Variants in HS3ST5 observed in about 807,000 individuals in gnomAD.
The protein encoded by HS3ST5 is heparan sulfate glucosamine 3-O-sulfotransferase 5.
In HS3ST5, 10 loss-of-function variants were observed where a neutral mutation model predicts 25.4. The observed-to-expected ratio is 0.39, with a 90% CI of 0.24 to 0.67. The LOEUF is 0.67. Ranked by LOEUF, HS3ST5 falls within the 30% of genes least tolerant of loss-of-function variation. The pLI is 0.44. For missense variants in HS3ST5, 324 were observed against 420.7 expected (o/e 0.77, Z 2.01); for synonymous variants, 170 against 162.4 (o/e 1.05, Z -0.36).
intron 3 of HS3ST5, among the ~76,000 whole-genome samples, chr6:114,149,448 G>A (rs62415761): frequency 0.071 from 10,843 of 152,172 alleles, 439 homozygotes; most frequent in African/African-American, 0.09. Context: ...GGATGAAGCT[G>A]GAAGCCATCA....
intron 3 of HS3ST5, chr6:114,167,539 A>G (rs1779275548): frequency 6.6e-6 from 1 of 152,186 alleles, no homozygotes; most frequent in Non-Finnish European, 1.5e-5. Context: ...CCTTGCCAAG[A>G]TCACCCAGCT....
intron 3 of HS3ST5, among the ~76,000 whole-genome samples, chr6:114,085,458 A>G (rs1030924556): frequency 6.6e-6 from 1 of 152,210 alleles, no homozygotes; most frequent in Non-Finnish European, 1.5e-5. Flanking sequence ...ACACTATGCC[A>G]AAATCAATTT....
chr6:114,129,191 T>G (rs997449649), intron 3 of HS3ST5, among the ~76,000 whole-genome samples: 17 of 151,680 alleles, frequency 1.1e-4, no homozygotes, highest in African/African-American at 4.1e-4. Flanking sequence ...TGGCCAGGCA[T>G]CTTCCTTCCC....
At chr6:114,123,304 C>T (rs1231018702) in intron 3 of HS3ST5, among the ~76,000 whole-genome samples, 1 of 152,130 alleles carries the variant, frequency 6.6e-6, no homozygotes, top group Non-Finnish European at 1.5e-5. Context: ...TTGGAAGAGA[C>T]CTCAAATATC....
At chr6:114,259,403 C>T (rs909024656) in intron 1 of HS3ST5, among the ~76,000 whole-genome samples, 8 of 152,152 alleles carry the variant, frequency 5.3e-5, no homozygotes, top group Non-Finnish European at 1.2e-4. Context: ...TATAAATATA[C>T]ATCATGTTTC....
chr6:114,152,789 T>G (rs992898852), intron 3 of HS3ST5, among the ~76,000 whole-genome samples: 1 of 152,172 alleles, frequency 6.6e-6, no homozygotes, highest in Non-Finnish European at 1.5e-5. Flanking sequence ...AGGCCCTGTC[T>G]CTACTGCGAG....
chr6:114,328,434 G>T (rs1776260084), intron 1 of HS3ST5, among the ~76,000 whole-genome samples: 4 of 152,010 alleles, frequency 2.6e-5, no homozygotes, highest in Admixed American at 2.6e-4. Flanking sequence ...TCCCAGAATG[G>T]GAACCAATGG....
chr6:114,070,734 C>T (rs1487708411), intron 3 of HS3ST5, among the ~76,000 whole-genome samples: 1 of 152,118 alleles, frequency 6.6e-6, no homozygotes, highest in Non-Finnish European at 1.5e-5. Flanking sequence ...CTCACCCTTG[C>T]CAAAAACCTT....
At chr6:114,081,181 C>T (rs1388077626) in intron 3 of HS3ST5, among the ~76,000 whole-genome samples, 1 of 152,034 alleles carries the variant, frequency 6.6e-6, no homozygotes, top group Non-Finnish European at 1.5e-5. Context: ...GAAATAATTA[C>T]AGTAGTAACA....
At chr6:114,086,917 G>C (rs189261571) in intron 3 of HS3ST5, among the ~76,000 whole-genome samples, 4 of 152,276 alleles carry the variant, frequency 2.6e-5, no homozygotes, top group South Asian at 2.1e-4. Context: ...ATACTTTTCG[G>C]TGAAAAGGCA....
At chr6:114,151,583 G>T (rs2114961209) in intron 3 of HS3ST5, among the ~76,000 whole-genome samples, 1 of 152,318 alleles carries the variant, frequency 6.6e-6, no homozygotes, top group South Asian at 2.1e-4. Flanking sequence ...TAGCCATCTT[G>T]TTGATTAGCT....
chr6:114,289,266 C>A (rs1378203283), intron 1 of HS3ST5, among the ~76,000 whole-genome samples: 1 of 152,034 alleles, frequency 6.6e-6, no homozygotes, highest in Non-Finnish European at 1.5e-5. Context: ...ACATTGGATA[C>A]TGATCAGTAC....
At chr6:114,327,791 G>A (rs1776231864) in intron 1 of HS3ST5, among the ~76,000 whole-genome samples, 1 of 152,036 alleles carries the variant, frequency 6.6e-6, no homozygotes, top group Non-Finnish European at 1.5e-5. Flanking sequence ...TATATCTTGA[G>A]TAATATATTT....
At chr6:114,132,625 C>A (rs756458055) in intron 3 of HS3ST5, among the ~76,000 whole-genome samples, 16 of 152,242 alleles carry the variant, frequency 1.1e-4, no homozygotes, top group Non-Finnish European at 2.2e-4. Flanking sequence ...ATTGCCTGGT[C>A]CAAGTGAAAC....
intron 1 of HS3ST5, among the ~76,000 whole-genome samples, chr6:114,289,015 T>C (rs1774458211): frequency 6.6e-6 from 1 of 152,076 alleles, no homozygotes; most frequent in Non-Finnish European, 1.5e-5. Flanking sequence ...CACATTCTTA[T>C]TGGAACAGTG....
At chr6:114,128,827 A>G (rs1359393684) in intron 3 of HS3ST5, among the ~76,000 whole-genome samples, 1 of 152,208 alleles carries the variant, frequency 6.6e-6, no homozygotes, top group Non-Finnish European at 1.5e-5. Context: ...GGTTCCTTAT[A>G]GCTCTCAGTG....
At chr6:114,134,946 C>T (rs1223010718) in intron 3 of HS3ST5, among the ~76,000 whole-genome samples, 2 of 152,182 alleles carry the variant, frequency 1.3e-5, no homozygotes, top group Non-Finnish European at 2.9e-5. Context: ...GCGGGTGCCA[C>T]GGCACAAGGG....
chr6:114,195,702 T>A (rs1780708342), intron 2 of HS3ST5, among the ~76,000 whole-genome samples: 1 of 152,140 alleles, frequency 6.6e-6, no homozygotes, highest in Admixed American at 6.6e-5. Flanking sequence ...TATAGGTGTA[T>A]GTCCTCAGGA....
chr6:114,225,862 C>T (rs1771247705), intron 2 of HS3ST5, among the ~76,000 whole-genome samples: 1 of 151,918 alleles, frequency 6.6e-6, no homozygotes, highest in Non-Finnish European at 1.5e-5. Context: ...ACCCCAAACT[C>T]TGTAAACCAT....
Sources: allele counts gnomAD v4.1 joint callset (sites outside exome capture counted in the v4.1 genomes callset), GRCh38; gene constraint gnomAD v4.1.1; transcripts MANE v1.5; gene names NCBI Gene and HGNC (gene_info 2026-07-23, HGNC 2026-07-21).